Variants in MYO16 observed in about 807,000 individuals in gnomAD.
The protein encoded by MYO16 is myosin XVI, also known as unconventional myosin-XVI.
Under a neutral mutation model 205.3 loss-of-function variants are expected in MYO16, and 94 were observed. That is an observed-to-expected ratio of 0.46 (90% CI 0.39 to 0.54). The LOEUF (loss-of-function observed/expected upper bound fraction) is 0.54, where lower values mean the gene tolerates loss of function less well. Ranked by LOEUF, MYO16 falls within the 20% of genes least tolerant of loss-of-function variation. MYO16 has a pLI of 0.00. For missense variants in MYO16, 2,315 were observed against 2,387.5 expected (o/e 0.97, Z 0.63); for synonymous variants, 988 against 954.0 (o/e 1.04, Z -0.66).
chr13:108,582,900 A>G, the MYO16 span, among the ~76,000 whole-genome samples: 10 of 152,310 alleles, frequency 6.6e-5, no homozygotes, highest in South Asian at 2.1e-4. Flanking sequence ...TAGGATTATA[A>G]GGTCATTCAC....
chr13:108,558,622 C>T, the MYO16 span, among the ~76,000 whole-genome samples: 3 of 152,158 alleles, frequency 2.0e-5, no homozygotes, highest in South Asian at 2.1e-4. Context: ...TCAGCTCCCA[C>T]GAATGGATTA....
intron 33 of MYO16, among the ~76,000 whole-genome samples, chr13:109,166,461 A>G (rs1360742864): frequency 1.3e-5 from 2 of 152,236 alleles, no homozygotes; most frequent in Non-Finnish European, 2.9e-5. Flanking sequence ...ACTCCAGACA[A>G]TGGTTTAGAG....
In MYO16 at chr13:109,126,141, C is replaced by T. The variant is rs182519596; in HGVS notation, c.3782+783C>T. Among the ~76,000 whole-genome samples the T allele has an allele frequency of 2.6e-5, 4 of 152,124 alleles. No individual in the cohort carries two copies. The East Asian group carries it at 7.7e-4, about 29-fold the overall frequency. ...AATGACTCTCCTTTCCCATTTCTGC[C>T]GATGTCAATTTTTTTTTATTAAAGT... On this transcript the variant is annotated intron_variant, in intron 30 of 34. Coordinates refer to ENST00000457511, the MANE Select transcript of MYO16 (RefSeq NM_001198950.3).
At chr13:108,700,159 C>A (rs1394958362) in intron 2 of MYO16, among the ~76,000 whole-genome samples, 1 of 151,782 alleles carries the variant, frequency 6.6e-6, no homozygotes, top group Non-Finnish European at 1.5e-5. Flanking sequence ...AGGGTGAAAC[C>A]CTTTCTCTAC....
chr13:108,802,101 T>A (rs545852094), intron 6 of MYO16, among the ~76,000 whole-genome samples: 15 of 152,356 alleles, frequency 9.8e-5, no homozygotes, highest in Non-Finnish European at 7.3e-5. Flanking sequence ...GTTGAGACAC[T>A]GGAAATGTAT....
At chr13:108,963,038 G>A (rs1448062416) in intron 19 of MYO16, among the ~76,000 whole-genome samples, 1 of 152,228 alleles carries the variant, frequency 6.6e-6, no homozygotes, top group African/African-American at 2.4e-5. Flanking sequence ...TAAGTGACAT[G>A]TTTGGAATTA....
chr13:108,865,341 T>C (rs1878657118), intron 11 of MYO16, among the ~76,000 whole-genome samples: 1 of 152,202 alleles, frequency 6.6e-6, no homozygotes, highest in Non-Finnish European at 1.5e-5. Flanking sequence ...TAGATTTTAG[T>C]CTTCTAGAAA....
intron 27 of MYO16, among the ~76,000 whole-genome samples, chr13:109,081,073 T>G (rs1888266657): frequency 2.6e-5 from 4 of 152,220 alleles, no homozygotes; most frequent in South Asian, 4.1e-4. Flanking sequence ...ATTTATATAT[T>G]ATAGATAAAC....
At chr13:108,567,117 A>G in the MYO16 span, among the ~76,000 whole-genome samples, 13 of 152,300 alleles carry the variant, frequency 8.5e-5, no homozygotes, top group South Asian at 2.1e-4. Context: ...TTTGTTTGCC[A>G]TATAAGTTGG....
chr13:108,838,498 G>A (rs1325599602), intron 9 of MYO16, among the ~76,000 whole-genome samples: 5 of 145,296 alleles, frequency 3.4e-5, no homozygotes, highest in Admixed American at 1.4e-4. Context: ...CCTGTCTCTA[G>A]TAAAAATTAA....
the MYO16 span, among the ~76,000 whole-genome samples, chr13:108,579,474 T>C: frequency 7.0e-6 from 1 of 143,884 alleles, no homozygotes; most frequent in Non-Finnish European, 1.5e-5. Flanking sequence ...GGAGTCTCAC[T>C]CTGTCACCCA....
rs751233713 is a variant in MYO16, at chr13:108,752,808, A to ATCTTTTTTTT, written c.507+25226_507+25227insCTTTTTTTTT. On this transcript the variant is annotated intron_variant, in intron 4 of 34. Transcript: ENST00000457511. ...AGACACCTGCCACCGTGCCCAGCTA[A>ATCTTTTTTTT]TTTTTTTTTTTTTTTTTTTTTTTTT... 1.2e-4 allele frequency among the ~76,000 whole-genome samples: 11 copies of ATCTTTTTTTT among 90,588 alleles called. 3 individuals carry two copies. Among genetic ancestry groups the ATCTTTTTTTT allele is most frequent in the Non-Finnish European group, 1.5e-4 (7 of 47,472 alleles). The allele number at this position is 90,588 out of a possible 152,430, so 59.4% of individuals were successfully genotyped here. A position where few individuals can be genotyped will look rare whatever the true frequency, so the allele number is the denominator to read the frequency against.
rs568248562 is a variant in MYO16 at position 108,835,259 on chromosome 13, G to A, written c.1098-9084G>A. ...CCATGCTGTTCCCTTGATAGTGAAC[G>A]AGTTCTCACAAGATCTGATGGTTTT... On this transcript the variant is annotated intron_variant, in intron 9 of 34. Coordinates refer to ENST00000457511, the MANE Select transcript of MYO16 (RefSeq NM_001198950.3). 5.0e-4 allele frequency among the ~76,000 whole-genome samples: 76 copies of A among 152,202 alleles called. 1 individual carries two copies. Among genetic ancestry groups the A allele is most frequent in the African/African-American group, 1.7e-3 (70 of 41,516 alleles).
intron 4 of MYO16, among the ~76,000 whole-genome samples, chr13:108,735,555 G>A (rs1452089151): frequency 6.6e-6 from 1 of 150,988 alleles, no homozygotes; most frequent in Non-Finnish European, 1.5e-5. Flanking sequence ...ATGGACATTT[G>A]GGTTGGTTCC....
At chr13:109,192,502 G>A (rs376886251) in intron 34 of MYO16, among the ~76,000 whole-genome samples, 26 of 152,214 alleles carry the variant, frequency 1.7e-4, no homozygotes, top group Middle Eastern at 3.4e-3. Context: ...CAGATGCTGT[G>A]CCTGCCAAAT....
At chr13:108,713,473 A>G (rs1883802752) in intron 3 of MYO16, among the ~76,000 whole-genome samples, 1 of 152,228 alleles carries the variant, frequency 6.6e-6, no homozygotes, top group Non-Finnish European at 1.5e-5. Context: ...TTAACATCAC[A>G]TAAATTTTCA....
At chr13:108,820,719 A>G (rs1003892938) in intron 8 of MYO16, among the ~76,000 whole-genome samples, 1 of 152,218 alleles carries the variant, frequency 6.6e-6, no homozygotes, top group East Asian at 1.9e-4. Flanking sequence ...AACGTACTTT[A>G]AAATACATTT....
intron 12 of MYO16, among the ~76,000 whole-genome samples, chr13:108,868,741 T>C (rs1431108928): frequency 6.6e-6 from 1 of 151,894 alleles, no homozygotes; most frequent in Non-Finnish European, 1.5e-5. Flanking sequence ...GCCAAGAAGA[T>C]GAAACCCCAT....
chr13:109,026,127 C>T (rs370728138), intron 23 of MYO16, among the ~76,000 whole-genome samples: 51 of 152,340 alleles, frequency 3.3e-4, no homozygotes, highest in African/African-American at 1.2e-3. Flanking sequence ...TCCTTCTCCC[C>T]ACAAATGCTT....
Sources: gnomAD v4.1 joint callset for allele counts (sites outside exome capture counted in the v4.1 genomes callset) on GRCh38, gnomAD v4.1.1 for gene constraint, MANE v1.5 for transcripts, NCBI Gene and HGNC (gene_info 2026-07-23, HGNC 2026-07-21) for gene names.